The following DEPDC1B variants were observed in gnomAD, a reference collection of about 807,000 sequenced individuals.
DEPDC1B encodes DEP domain-containing protein 1B.
Under a neutral mutation model 66.5 loss-of-function variants are expected in DEPDC1B, and 51 were observed. The observed-to-expected ratio is 0.77, with a 90% CI of 0.61 to 0.97. The LOEUF (loss-of-function observed/expected upper bound fraction) is 0.97, where lower values mean the gene tolerates loss of function less well. DEPDC1B is among the 50% of genes least tolerant of loss of function. The pLI, the probability that DEPDC1B is intolerant of heterozygous loss-of-function variation, is 0.00. For synonymous variants in DEPDC1B, 226 were observed against 223.6 expected (o/e 1.01, Z -0.10); for missense variants, 552 against 637.1 (o/e 0.87, Z 1.44).
At chr5:60,603,220 C>A (rs1421428173) in intron 9 of DEPDC1B, among the ~76,000 whole-genome samples, 171 bp downstream of exon 9, 1 of 152,152 alleles carries the variant, frequency 6.6e-6, no homozygotes, top group Non-Finnish European at 1.5e-5. Context: ...GTAAACTTTT[C>A]AATGATAATA....
chr5:60,633,925 C>A (rs1009182920), intron 7 of DEPDC1B, among the ~76,000 whole-genome samples: 1 of 152,132 alleles, frequency 6.6e-6, no homozygotes, highest in African/African-American at 2.4e-5. Flanking sequence ...CCTTTACATT[C>A]GCAAATTATA....
intron 7 of DEPDC1B, among the ~76,000 whole-genome samples, chr5:60,612,309 G>A (rs543722807): frequency 6.6e-6 from 1 of 151,824 alleles, no homozygotes; most frequent in Admixed American, 6.6e-5. Context: ...TGTCGTCCCA[G>A]CTATTTGGGA....
At chr5:60,612,275 T>G (rs1752428071) in intron 7 of DEPDC1B, among the ~76,000 whole-genome samples, 1 of 151,760 alleles carries the variant, frequency 6.6e-6, no homozygotes. Flanking sequence ...ATACAAAAAT[T>G]AGCCAGGCAT....
chr5:60,631,414 G>C (rs1228149602), intron 7 of DEPDC1B, among the ~76,000 whole-genome samples: 1 of 152,198 alleles, frequency 6.6e-6, no homozygotes, highest in East Asian at 1.9e-4. Flanking sequence ...GAAATGACAT[G>C]TTCCCACACG....
intron 6 of DEPDC1B, among the ~76,000 whole-genome samples, chr5:60,642,178 T>C (rs1753206154): frequency 6.6e-6 from 1 of 152,220 alleles, no homozygotes; most frequent in African/African-American, 2.4e-5. Context: ...TTGTGGTATC[T>C]GTGAGACTCA....
chr5:60,645,073 C>T (rs967976627), intron 4 of DEPDC1B, among the ~76,000 whole-genome samples, 198 bp from the exon 5 acceptor site: 22 of 152,114 alleles, frequency 1.4e-4, no homozygotes, highest in Non-Finnish European at 8.8e-5. Context: ...CATTTTGCTT[C>T]ACAGATTTAG....
At chr5:60,605,986 T>G in intron 7 of DEPDC1B, 130 bp from the exon 8 acceptor site, 1 of 739,282 alleles carries the variant, frequency 1.4e-6, no homozygotes, top group Non-Finnish European at 2.0e-6. Flanking sequence ...CTATACTGGG[T>G]CAATTGAATA....
At chr5:60,604,218 C>CTTTTTTTTTTATTTTTTTTTTTTTTT (rs1752264906) in intron 8 of DEPDC1B, among the ~76,000 whole-genome samples, 1 of 68,970 alleles carries the variant, frequency 1.4e-5, no homozygotes, top group Non-Finnish European at 2.8e-5. Flanking sequence ...ATTAACTATT[C>CTTTTTTTTTTATTTTTTTTTTTTTTT]TTTTTTTTTT....
chr5:60,634,929 C>T (rs1753008945), intron 7 of DEPDC1B, among the ~76,000 whole-genome samples: 1 of 151,486 alleles, frequency 6.6e-6, no homozygotes, highest in African/African-American at 2.4e-5. Flanking sequence ...CATGGTGGTG[C>T]ATGCCTGTAA....
chr5:60,622,084 A>G (rs1244922767), intron 7 of DEPDC1B, among the ~76,000 whole-genome samples: 1 of 152,196 alleles, frequency 6.6e-6, no homozygotes, highest in Non-Finnish European at 1.5e-5. Context: ...ATTTTGATTT[A>G]TAATTAAAAT....
chr5:60,692,738 C>G (rs1269776585), intron 1 of DEPDC1B, among the ~76,000 whole-genome samples: 1 of 152,066 alleles, frequency 6.6e-6, no homozygotes, highest in Non-Finnish European at 1.5e-5. Flanking sequence ...TGGCACTATC[C>G]ATAATAGGCA....
intron 7 of DEPDC1B, among the ~76,000 whole-genome samples, chr5:60,621,648 T>C (rs1752704618): frequency 6.6e-6 from 1 of 152,078 alleles, no homozygotes; most frequent in Admixed American, 6.6e-5. Flanking sequence ...CAAATCTGCA[T>C]GTTGTGCACA....
At chr5:60,622,200 C>A (rs574189200) in intron 7 of DEPDC1B, among the ~76,000 whole-genome samples, 5 of 152,242 alleles carry the variant, frequency 3.3e-5, no homozygotes, top group East Asian at 3.9e-4. Context: ...CTTCCGCCCC[C>A]CCAAAGAATC....
intron 8 of DEPDC1B, among the ~76,000 whole-genome samples, chr5:60,604,440 A>T (rs1032734739): frequency 6.6e-6 from 1 of 151,422 alleles, no homozygotes; most frequent in African/African-American, 2.4e-5. Context: ...AGGCTGGTCT[A>T]GAACTCCTGA....
intron 2 of DEPDC1B, among the ~76,000 whole-genome samples, chr5:60,666,223 T>A (rs545129096): frequency 6.6e-6 from 1 of 152,176 alleles, no homozygotes; most frequent in Admixed American, 6.5e-5. Context: ...TGTTCCTGCA[T>A]GGCTAAGGGC....
intron 2 of DEPDC1B, among the ~76,000 whole-genome samples, chr5:60,678,120 GTAAAA>G (rs1754211815): frequency 6.6e-6 from 1 of 152,020 alleles, no homozygotes; most frequent in Admixed American, 6.6e-5. Flanking sequence ...TTAGCATATG[GTAAAA>G]TAAAATTTTT....
intron 2 of DEPDC1B, 156 bp from the exon 3 acceptor site, chr5:60,647,689 A>G (rs1015976945): frequency 1.6e-6 from 1 of 615,444 alleles, no homozygotes; most frequent in Non-Finnish European, 2.5e-6. Flanking sequence ...AAACTGCTCT[A>G]TACCATACCT....
At chr5:60,649,830 T>A (rs1289793564) in intron 2 of DEPDC1B, among the ~76,000 whole-genome samples, 2 of 152,046 alleles carry the variant, frequency 1.3e-5, no homozygotes, top group Non-Finnish European at 2.9e-5. Flanking sequence ...AATTGATAGC[T>A]ATATTATGCT....
intron 7 of DEPDC1B, among the ~76,000 whole-genome samples, chr5:60,619,125 C>G (rs867565823): frequency 4.5e-4 from 68 of 152,232 alleles, no homozygotes; most frequent in Admixed American, 3.5e-3. Context: ...ATTAGGTATT[C>G]ATGGGATGTA....
Sources: allele counts gnomAD v4.1 joint callset (sites outside exome capture counted in the v4.1 genomes callset), GRCh38; gene constraint gnomAD v4.1.1; transcripts MANE v1.5; gene names NCBI Gene and HGNC (gene_info 2026-07-23, HGNC 2026-07-21).